Variants in REDIC1 observed in about 807,000 individuals in gnomAD.
REDIC1 encodes regulator of DNA class I crossover intermediates 1, also known as HEI10 Interacting Protein 1.
the REDIC1 span, among the ~76,000 whole-genome samples, chr12:39,637,500 G>A: frequency 6.6e-6 from 1 of 152,196 alleles, no homozygotes; most frequent in East Asian, 1.9e-4. Flanking sequence ...GAGTGTTGTA[G>A]TACATAAGTC....
the REDIC1 span, chr12:39,721,004 G>A: frequency 1.2e-6 from 2 of 1,613,736 alleles, no homozygotes; most frequent in African/African-American, 1.3e-5. Flanking sequence ...CAGTTGCAGT[G>A]CAATTCAGCC....
At chr12:39,768,670 C>T in the REDIC1 span, among the ~76,000 whole-genome samples, 4 of 151,914 alleles carry the variant, frequency 2.6e-5, no homozygotes, top group South Asian at 2.1e-4. Flanking sequence ...TTAAGTTTGA[C>T]GTCTTATACG....
the REDIC1 span, among the ~76,000 whole-genome samples, chr12:39,833,739 C>T: frequency 6.6e-6 from 1 of 151,950 alleles, no homozygotes; most frequent in Non-Finnish European, 1.5e-5. Flanking sequence ...CAAACACCCA[C>T]AATTCTCTTC....
the REDIC1 span, among the ~76,000 whole-genome samples, chr12:39,653,558 T>TTCTTTTTC: frequency 2.5e-3 from 109 of 43,588 alleles, no homozygotes; most frequent in Admixed American, 5.0e-3. Flanking sequence ...CTTCTTCTTC[T>TTCTTTTTC]TTCTTCTTCT....
the REDIC1 span, among the ~76,000 whole-genome samples, chr12:39,636,772 A>G: frequency 6.6e-6 from 1 of 152,092 alleles, no homozygotes; most frequent in Admixed American, 6.6e-5. Flanking sequence ...AAAAAGAACA[A>G]GTTAATACTG....
chr12:39,760,410 G>C, the REDIC1 span, among the ~76,000 whole-genome samples: 2 of 151,736 alleles, frequency 1.3e-5, no homozygotes, highest in African/African-American at 4.8e-5. Flanking sequence ...TACTCCAATT[G>C]TTCCAACTCT....
the REDIC1 span, among the ~76,000 whole-genome samples, chr12:39,677,086 C>T: frequency 6.7e-6 from 1 of 149,380 alleles, no homozygotes; most frequent in Non-Finnish European, 1.5e-5. Flanking sequence ...TAGAAAAGTA[C>T]TTCACATGTC....
the REDIC1 span, among the ~76,000 whole-genome samples, chr12:39,658,051 A>T: frequency 6.6e-6 from 1 of 151,120 alleles, no homozygotes; most frequent in South Asian, 2.1e-4. Flanking sequence ...ACAAATTTTG[A>T]AATATTATGT....
At chr12:39,677,799 T>G in the REDIC1 span, among the ~76,000 whole-genome samples, 1 of 152,074 alleles carries the variant, frequency 6.6e-6, no homozygotes, top group Non-Finnish European at 1.5e-5. Flanking sequence ...CCCTGAAAAC[T>G]GTACAAATAC....
chr12:39,828,329 T>C, the REDIC1 span, among the ~76,000 whole-genome samples: 2 of 152,136 alleles, frequency 1.3e-5, no homozygotes, highest in Admixed American at 1.3e-4. Flanking sequence ...TTTTTTTTAG[T>C]TATTTTTATT....
chr12:39,704,240 C>T, the REDIC1 span, among the ~76,000 whole-genome samples: 2 of 152,072 alleles, frequency 1.3e-5, no homozygotes, highest in South Asian at 4.2e-4. Flanking sequence ...AAAAAAACAA[C>T]CCCATCAAAA....
At chr12:39,769,484 C>A in the REDIC1 span, among the ~76,000 whole-genome samples, 1 of 152,006 alleles carries the variant, frequency 6.6e-6, no homozygotes, top group Non-Finnish European at 1.5e-5. Context: ...CTATCAGCTT[C>A]TACTTTTCTA....
At chr12:39,734,406 C>G in the REDIC1 span, among the ~76,000 whole-genome samples, 1 of 152,110 alleles carries the variant, frequency 6.6e-6, no homozygotes, top group South Asian at 2.1e-4. Context: ...TTTTGAAGGG[C>G]AAAAGTTTTA....
chr12:39,722,058 T>G, the REDIC1 span: 1 of 152,124 alleles, frequency 6.6e-6, no homozygotes, highest in Non-Finnish European at 1.5e-5. Context: ...TTTTGATATA[T>G]TTCATGGTAC....
At chr12:39,747,344 A>T in the REDIC1 span, among the ~76,000 whole-genome samples, 1 of 152,256 alleles carries the variant, frequency 6.6e-6, no homozygotes, top group South Asian at 2.1e-4. Flanking sequence ...AGATCAAATG[A>T]ATGAAATGAA....
At chr12:39,656,620 C>A in the REDIC1 span, among the ~76,000 whole-genome samples, 6 of 152,072 alleles carry the variant, frequency 3.9e-5, no homozygotes, top group Non-Finnish European at 8.8e-5. Context: ...CAGGGCCTTT[C>A]AGGAGGTATT....
At chr12:39,766,866 C>A in the REDIC1 span, among the ~76,000 whole-genome samples, 1 of 152,082 alleles carries the variant, frequency 6.6e-6, no homozygotes, top group Non-Finnish European at 1.5e-5. Context: ...GGCTTCGCTT[C>A]TACAATAGTT....
At chr12:39,840,029 TTTTTG>T in the REDIC1 span, among the ~76,000 whole-genome samples, 35 of 152,102 alleles carry the variant, frequency 2.3e-4, no homozygotes, top group African/African-American at 8.4e-4. Context: ...CCATTCTTTT[TTTTTG>T]TTTTGTTTTG....
the REDIC1 span, among the ~76,000 whole-genome samples, chr12:39,712,744 T>G: frequency 8.5e-6 from 1 of 117,260 alleles, no homozygotes; most frequent in Non-Finnish European, 1.6e-5. Flanking sequence ...TATATAGACG[T>G]GTACACATAT....
Sources: allele counts gnomAD v4.1 joint callset (sites outside exome capture counted in the v4.1 genomes callset), GRCh38; gene constraint gnomAD v4.1.1; transcripts MANE v1.5; gene names NCBI Gene and HGNC (gene_info 2026-07-23, HGNC 2026-07-21).